Variants in NPAS3 observed in about 807,000 individuals in gnomAD.
NPAS3 encodes the protein neuronal PAS domain-containing protein 3.
NPAS3 carries 14 observed loss-of-function variants against 73.1 expected under a neutral mutation model. That is an observed-to-expected ratio of 0.19 (90% CI 0.13 to 0.30). NPAS3 has a LOEUF of 0.30. Among genes scored for constraint, NPAS3 ranks in the 10% least tolerant of loss-of-function variants. The probability of loss-of-function intolerance (pLI) is 1.00; values close to 1 mark genes in which losing one functional copy is unlikely to be tolerated. For synonymous variants in NPAS3, 620 were observed against 541.5 expected (o/e 1.14, Z -2.01); for missense variants, 1,096 against 1,250.0 (o/e 0.88, Z 1.86).
chr14:33,617,239 T>A (rs760691400), intron 5 of NPAS3, among the ~76,000 whole-genome samples: 1 of 152,170 alleles, frequency 6.6e-6, no homozygotes, highest in Non-Finnish European at 1.5e-5. Context: ...AGTTTTCAAG[T>A]CTGGAAAAGG....
intron 4 of NPAS3, among the ~76,000 whole-genome samples, chr14:33,460,795 A>G (rs1228790218): frequency 7.2e-5 from 11 of 152,188 alleles, no homozygotes; most frequent in Non-Finnish European, 1.5e-5. Flanking sequence ...CAAGGAAAGC[A>G]CACAAACCAA....
At chr14:33,294,987 CT>C (rs2042237500) in intron 3 of NPAS3, among the ~76,000 whole-genome samples, 1 of 152,146 alleles carries the variant, frequency 6.6e-6, no homozygotes, top group African/African-American at 2.4e-5. Flanking sequence ...GAAATTTGAA[CT>C]CTTGGAGAGT....
intron 4 of NPAS3, among the ~76,000 whole-genome samples, chr14:33,383,877 A>T (rs529024792): frequency 6.6e-6 from 1 of 152,316 alleles, no homozygotes; most frequent in African/African-American, 2.4e-5. Context: ...AATCTCGAGC[A>T]TGTTATAATC....
chr14:33,193,359 A>G (rs1160891356), intron 2 of NPAS3, among the ~76,000 whole-genome samples: 23 of 152,184 alleles, frequency 1.5e-4, no homozygotes, highest in Admixed American at 1.5e-3. Context: ...AGGGGAGTCA[A>G]TATTGAAGTG....
intron 5 of NPAS3, among the ~76,000 whole-genome samples, chr14:33,660,419 C>G (rs532646147): frequency 6.6e-6 from 1 of 152,302 alleles, no homozygotes; most frequent in African/African-American, 2.4e-5. Context: ...TGAGTCTTCA[C>G]AAAAGTTGCC....
Position 33,339,158 on chromosome 14 carries a change from C to A in NPAS3, c.386-28028C>A, listed in dbSNP as rs1055126854. Among the ~76,000 whole-genome samples, 10 of 152,184 alleles carry A rather than the reference C, an allele frequency of 6.6e-5. No individual in the cohort carries two copies. In the East Asian group the frequency reaches 1.5e-3, roughly 23 times the overall value. On this transcript the variant is annotated intron_variant, in intron 3 of 11. Coordinates refer to ENST00000356141, the Ensembl canonical transcript of NPAS3. ...TGCCATAAAGTTTTCTGTTAGCCTG[C>A]CATTTATTTATTATTGTTACGCTAA...
At chr14:32,938,058 G>A (rs1034993810), upstream of NPAS3, among the ~76,000 whole-genome samples, 3 of 152,146 alleles carry the variant, frequency 2.0e-5, no homozygotes, top group African/African-American at 7.2e-5. Context: ...CCCGAGTCGG[G>A]AGGGGCTTCT....
At chr14:33,225,297 G>A (rs2047587500) in intron 3 of NPAS3, among the ~76,000 whole-genome samples, 1 of 152,188 alleles carries the variant, frequency 6.6e-6, no homozygotes, top group African/African-American at 2.4e-5. Flanking sequence ...CCATTTAAGA[G>A]TCATACATGA....
intron 4 of NPAS3, among the ~76,000 whole-genome samples, chr14:33,527,087 G>A (rs1331863276): frequency 6.6e-6 from 1 of 152,136 alleles, no homozygotes; most frequent in Non-Finnish European, 1.5e-5. Flanking sequence ...TATATGTGGA[G>A]AAGGAGGAGG....
chr14:33,788,939 A>G (rs1306847144), intron 9 of NPAS3, among the ~76,000 whole-genome samples: 2 of 141,270 alleles, frequency 1.4e-5, no homozygotes, highest in Non-Finnish European at 3.1e-5. Context: ...GTGACATTTT[A>G]AAAAGATATT....
intron 6 of NPAS3, among the ~76,000 whole-genome samples, chr14:33,677,943 C>T (rs1308503021): frequency 6.6e-6 from 1 of 152,186 alleles, no homozygotes; most frequent in Non-Finnish European, 1.5e-5. Flanking sequence ...ATTTGAGAAA[C>T]AGCACATGCA....
intron 3 of NPAS3, among the ~76,000 whole-genome samples, chr14:33,364,283 G>GT (rs1318476946): frequency 1.3e-5 from 2 of 152,158 alleles, no homozygotes; most frequent in Non-Finnish European, 2.9e-5. Flanking sequence ...AAATACCTGT[G>GT]TTTGCAGTAT....
At chr14:33,167,217 C>A (rs1451949013) in intron 2 of NPAS3, among the ~76,000 whole-genome samples, 1 of 152,158 alleles carries the variant, frequency 6.6e-6, no homozygotes, top group Non-Finnish European at 1.5e-5. Context: ...CTCTACCACA[C>A]AGATTTTTAG....
intron 3 of NPAS3, among the ~76,000 whole-genome samples, chr14:33,272,849 G>C (rs1566745893): frequency 6.6e-6 from 1 of 152,188 alleles, no homozygotes; most frequent in Non-Finnish European, 1.5e-5. Flanking sequence ...AAAGGGTAGT[G>C]ATACTGACAG....
At chr14:32,975,316 C>CACTCCCTTCCTCCGTT (rs2037617629) in intron 1 of NPAS3, among the ~76,000 whole-genome samples, 1 of 148,044 alleles carries the variant, frequency 6.8e-6, no homozygotes, top group Non-Finnish European at 1.5e-5. Context: ...CTGCCTCCGT[C>CACTCCCTTCCTCCGTT]ACTCCCTGCC....
At chr14:33,481,072 AG>A (rs974764917) in intron 4 of NPAS3, among the ~76,000 whole-genome samples, 3 of 152,146 alleles carry the variant, frequency 2.0e-5, no homozygotes, top group Non-Finnish European at 4.4e-5. Flanking sequence ...TGCCTTCAGC[AG>A]GGGTCTAATA....
At chr14:33,032,850 C>T (rs903209435) in intron 1 of NPAS3, among the ~76,000 whole-genome samples, 2 of 152,168 alleles carry the variant, frequency 1.3e-5, no homozygotes, top group African/African-American at 4.8e-5. Flanking sequence ...AGATCTTAAA[C>T]AACGATAAAT....
At chr14:33,358,839 A>T (rs2045463274) in intron 3 of NPAS3, among the ~76,000 whole-genome samples, 1 of 152,206 alleles carries the variant, frequency 6.6e-6, no homozygotes, top group South Asian at 2.1e-4. Flanking sequence ...TTATATCCCT[A>T]GCACCTTGGT....
intron 1 of NPAS3, among the ~76,000 whole-genome samples, chr14:32,984,529 T>C (rs1379667255): frequency 2.0e-5 from 3 of 152,208 alleles, no homozygotes; most frequent in Admixed American, 2.0e-4. Flanking sequence ...TATGCTTCAG[T>C]TCTCTATAAG....
Sources: allele counts gnomAD v4.1 joint callset (sites outside exome capture counted in the v4.1 genomes callset), GRCh38; gene constraint gnomAD v4.1.1; transcripts MANE v1.5; gene names NCBI Gene and HGNC (gene_info 2026-07-23, HGNC 2026-07-21).